Variants in PPP1R14C observed in about 807,000 individuals in gnomAD.
PPP1R14C encodes the protein protein phosphatase 1 regulatory inhibitor subunit 14C.
In PPP1R14C, 16 loss-of-function variants were observed where a neutral mutation model predicts 20.4. The ratio of observed to expected loss-of-function variants is 0.78; its 90% CI spans 0.53 to 1.19. PPP1R14C has a LOEUF of 1.19. Among genes scored for constraint, PPP1R14C ranks in the 50% most tolerant of loss-of-function variants. The pLI is 0.00. For missense variants in PPP1R14C, 211 were observed against 220.1 expected (o/e 0.96, Z 0.26); for synonymous variants, 91 against 91.0 (o/e 1.00, Z 0.00).
At chr6:150,155,376 A>T (rs1464080648) in intron 1 of PPP1R14C, among the ~76,000 whole-genome samples, 2 of 152,236 alleles carry the variant, frequency 1.3e-5, no homozygotes, top group Non-Finnish European at 2.9e-5. Flanking sequence ...TAGAATCATA[A>T]AGCACCATCA....
At chr6:150,160,394 A>T (rs1316015688) in intron 1 of PPP1R14C, among the ~76,000 whole-genome samples, 7 of 149,558 alleles carry the variant, frequency 4.7e-5, no homozygotes, top group Non-Finnish European at 8.9e-5. Flanking sequence ...CCTCCCGAGT[A>T]GCTGGGACTG....
intron 3 of PPP1R14C, among the ~76,000 whole-genome samples, chr6:150,217,854 G>A (rs1778114712): frequency 6.6e-6 from 1 of 152,144 alleles, no homozygotes. Flanking sequence ...TTAAAAGGGG[G>A]GAGGAAAGCA....
At chr6:150,174,506 A>G (rs187389651) in intron 1 of PPP1R14C, among the ~76,000 whole-genome samples, 5,704 of 151,356 alleles carry the variant, frequency 0.038, 140 homozygotes, top group Non-Finnish European at 0.053. Flanking sequence ...GTGAGCCACC[A>G]CGCCTGGCCG....
intron 3 of PPP1R14C, among the ~76,000 whole-genome samples, chr6:150,233,536 C>T (rs2114925940): frequency 6.6e-6 from 1 of 152,186 alleles, no homozygotes; most frequent in East Asian, 1.9e-4. Context: ...GATAATTAGT[C>T]ACCCCGTTTG....
chr6:150,231,374 G>A (rs1017308788), intron 3 of PPP1R14C, among the ~76,000 whole-genome samples: 1 of 152,144 alleles, frequency 6.6e-6, no homozygotes, highest in African/African-American at 2.4e-5. Flanking sequence ...TTCCCCTAAT[G>A]CTCTGTGTCT....
intron 1 of PPP1R14C, among the ~76,000 whole-genome samples, chr6:150,200,379 C>A (rs1161006811): frequency 6.6e-6 from 1 of 152,162 alleles, no homozygotes; most frequent in Non-Finnish European, 1.5e-5. Flanking sequence ...TTACTCGCCT[C>A]TCTGGGACAG....
At chr6:150,195,158 T>C in intron 1 of PPP1R14C, 1 of 984,692 alleles carries the variant, frequency 1.0e-6, no homozygotes, top group Non-Finnish European at 1.2e-6. Flanking sequence ...GAAAATGAGT[T>C]TTATGGTAGT....
At position 150,143,731 on chromosome 6, in the gene PPP1R14C, C is replaced by G. The variant is rs920451944; in HGVS notation, c.306+233C>G. Among the ~76,000 whole-genome samples the G allele has an allele frequency of 1.3e-5, 2 of 152,164 alleles. No individual in the cohort carries two copies. Among genetic ancestry groups the G allele is most frequent in the Non-Finnish European group, 2.9e-5 (2 of 68,022 alleles). ...GCCGGTGCCCGGGGATCTGCGGGCC[C>G]CCTTGGTGGCCGTGGGGAGGGTTGG... is the stretch of plus-strand genomic sequence containing the variant. On this transcript the variant is annotated intron_variant, in intron 1 of 3. Coordinates refer to ENST00000361131, the MANE Select transcript of PPP1R14C (RefSeq NM_030949.3). The surrounding 1 kb of genome is among the most constrained non-coding windows in gnomAD (Gnocchi z 5.6).
At chr6:150,198,387 C>T (rs988199263) in intron 1 of PPP1R14C, among the ~76,000 whole-genome samples, 6 of 152,220 alleles carry the variant, frequency 3.9e-5, no homozygotes, top group African/African-American at 1.4e-4. Flanking sequence ...CTTTGTGTGT[C>T]CCTGCTGTGG....
chr6:150,183,211 T>C (rs1777641442), intron 1 of PPP1R14C, among the ~76,000 whole-genome samples: 1 of 152,008 alleles, frequency 6.6e-6, no homozygotes, highest in Non-Finnish European at 1.5e-5. Context: ...GTGAGTTATC[T>C]CGGACTGTTA....
intron 1 of PPP1R14C, among the ~76,000 whole-genome samples, chr6:150,151,916 C>T (rs1363977373): frequency 6.6e-6 from 1 of 151,790 alleles, no homozygotes. Context: ...GTCAGGAGAT[C>T]GAGACCATCC....
chr6:150,229,131 T>C (rs1411841037), intron 3 of PPP1R14C, among the ~76,000 whole-genome samples: 2 of 152,160 alleles, frequency 1.3e-5, no homozygotes, highest in African/African-American at 4.8e-5. Flanking sequence ...ATAAAGACAA[T>C]GTGACACATG....
intron 1 of PPP1R14C, among the ~76,000 whole-genome samples, chr6:150,212,084 C>A (rs1231918301): frequency 1.3e-5 from 2 of 152,146 alleles, no homozygotes; most frequent in Non-Finnish European, 2.9e-5. Flanking sequence ...TCCTGTCAAG[C>A]CCCTTTGAGA....
intron 1 of PPP1R14C, among the ~76,000 whole-genome samples, chr6:150,210,973 A>T (rs989460516): frequency 6.6e-6 from 1 of 152,232 alleles, no homozygotes; most frequent in Non-Finnish European, 1.5e-5. Context: ...TTTAGAATTC[A>T]TCTTGTCTCT....
intron 1 of PPP1R14C, among the ~76,000 whole-genome samples, chr6:150,172,264 A>G (rs967056852): frequency 6.6e-6 from 1 of 152,226 alleles, no homozygotes; most frequent in Non-Finnish European, 1.5e-5. Flanking sequence ...GACATTCAGA[A>G]CTAATGGTTA....
chr6:150,218,143 C>A (rs1778117939), intron 3 of PPP1R14C, among the ~76,000 whole-genome samples: 1 of 152,064 alleles, frequency 6.6e-6, no homozygotes, highest in Non-Finnish European at 1.5e-5. Context: ...GTGGCTCATG[C>A]CTGTGATCAC....
At chr6:150,192,823 T>C (rs1292634954) in intron 1 of PPP1R14C, among the ~76,000 whole-genome samples, 1 of 152,192 alleles carries the variant, frequency 6.6e-6, no homozygotes, top group Non-Finnish European at 1.5e-5. Context: ...TTCCTTCACC[T>C]ACAGGTCTGG....
At chr6:150,246,873 T>A (rs1173106719) in intron 3 of PPP1R14C, among the ~76,000 whole-genome samples, 1 of 152,144 alleles carries the variant, frequency 6.6e-6, no homozygotes, top group Non-Finnish European at 1.5e-5. Context: ...TCTGACATAA[T>A]GCTAGGTGAA....
intron 1 of PPP1R14C, among the ~76,000 whole-genome samples, chr6:150,203,351 C>A (rs191526120): frequency 1.0e-3 from 155 of 152,342 alleles, no homozygotes; most frequent in African/African-American, 3.5e-3. Context: ...ACTTATGGAT[C>A]TGCATTTAAG....
Sources: allele counts gnomAD v4.1 joint callset (sites outside exome capture counted in the v4.1 genomes callset), GRCh38; gene constraint gnomAD v4.1.1; non-coding constraint Gnocchi (gnomAD v3.1); transcripts MANE v1.5; gene names NCBI Gene and HGNC (gene_info 2026-07-23, HGNC 2026-07-21).